Variants in KCNQ5 observed in about 807,000 individuals in gnomAD.
KCNQ5 encodes the protein potassium voltage-gated channel subfamily KQT member 5.
A neutral mutation model predicts 98.2 loss-of-function variants in KCNQ5; 30 were observed. The observed-to-expected ratio is 0.31, with a 90% CI of 0.23 to 0.41. The LOEUF is 0.41. Ranked by LOEUF, KCNQ5 falls within the 10% of genes least tolerant of loss-of-function variation. The probability of loss-of-function intolerance (pLI) is 1.00; values close to 1 mark genes in which losing one functional copy is unlikely to be tolerated. For synonymous variants in KCNQ5, 458 were observed against 449.4 expected, an observed-to-expected ratio of 1.02 and a Z score of -0.24; for missense variants, 835 against 1,182.5, an observed-to-expected ratio of 0.71 and a Z score of 4.31.
chr6:72,729,841 C>G (rs538252474), intron 1 of KCNQ5, among the ~76,000 whole-genome samples: 1 of 152,002 alleles, frequency 6.6e-6, no homozygotes, highest in African/African-American at 2.4e-5. Flanking sequence ...CTATATTTTA[C>G]TGGGTTGTTG....
intron 1 of KCNQ5, among the ~76,000 whole-genome samples, chr6:72,854,328 T>A (rs1562026164): frequency 6.6e-6 from 1 of 152,120 alleles, no homozygotes; most frequent in South Asian, 2.1e-4. Context: ...ATGGTACATA[T>A]AAAATAATTA....
chr6:73,112,500 C>G (rs1338791235), intron 7 of KCNQ5, among the ~76,000 whole-genome samples: 3 of 152,106 alleles, frequency 2.0e-5, no homozygotes, highest in Non-Finnish European at 4.4e-5. Flanking sequence ...CACCCGCCAC[C>G]GCGCCCGGCT....
At chr6:72,847,363 G>A (rs1182850753) in intron 1 of KCNQ5, among the ~76,000 whole-genome samples, 2 of 152,074 alleles carry the variant, frequency 1.3e-5, no homozygotes, top group African/African-American at 4.8e-5. Flanking sequence ...GTTTCTCCTT[G>A]TTGTTCAGGC....
At chr6:72,975,886 G>A (rs763674342) in intron 1 of KCNQ5, among the ~76,000 whole-genome samples, 4 of 152,112 alleles carry the variant, frequency 2.6e-5, no homozygotes, top group South Asian at 2.1e-4. Flanking sequence ...TTGTATATAC[G>A]TGTAACAAAG....
At chr6:73,038,776 T>C (rs946072162) in intron 2 of KCNQ5, among the ~76,000 whole-genome samples, 1 of 152,098 alleles carries the variant, frequency 6.6e-6, no homozygotes, top group Non-Finnish European at 1.5e-5. Context: ...TGTCTAAGTT[T>C]ATGATAAATA....
At chr6:72,657,921 T>C (rs1026705085) in intron 1 of KCNQ5, among the ~76,000 whole-genome samples, 2 of 152,264 alleles carry the variant, frequency 1.3e-5, no homozygotes, top group Non-Finnish European at 2.9e-5. Context: ...ATCTGATGCA[T>C]TGAGGCCACA....
intron 1 of KCNQ5, among the ~76,000 whole-genome samples, chr6:72,640,207 A>G (rs2098926432): frequency 1.3e-5 from 2 of 152,076 alleles, no homozygotes; most frequent in South Asian, 2.1e-4. Flanking sequence ...AATTTTCTAG[A>G]AGTCACACAC....
At chr6:73,137,755 G>T (rs1052095584) in intron 10 of KCNQ5, among the ~76,000 whole-genome samples, 1 of 152,064 alleles carries the variant, frequency 6.6e-6, no homozygotes, top group East Asian at 1.9e-4. Context: ...GGTCTAGCAG[G>T]TATAAGTAAA....
chr6:72,932,941 A>G (rs1436726613), intron 1 of KCNQ5, among the ~76,000 whole-genome samples: 1 of 152,198 alleles, frequency 6.6e-6, no homozygotes, highest in East Asian at 1.9e-4. Context: ...TGTTTCTTGA[A>G]AATTCATTTA....
chr6:72,632,370 T>C (rs189692264), intron 1 of KCNQ5, among the ~76,000 whole-genome samples: 1,563 of 152,042 alleles, frequency 0.01, 23 homozygotes, highest in African/African-American at 0.036. Flanking sequence ...CTCCATCTCC[T>C]GACCTCGTGA....
At chr6:72,669,657 C>T (rs75529853) in intron 1 of KCNQ5, among the ~76,000 whole-genome samples, 2,109 of 152,270 alleles carry the variant, frequency 0.014, 61 homozygotes, top group African/African-American at 0.048. Context: ...AGTTCGTGTT[C>T]ATAGACAAAG....
At chr6:72,887,194 A>T (rs773043110) in intron 1 of KCNQ5, among the ~76,000 whole-genome samples, 1 of 152,186 alleles carries the variant, frequency 6.6e-6, no homozygotes, top group African/African-American at 2.4e-5. Context: ...CTAGAAAGAA[A>T]AAGATGTTTA....
chr6:73,055,088 C>T, intron 3 of KCNQ5: 1 of 712,220 alleles, frequency 1.4e-6, no homozygotes, highest in Non-Finnish European at 2.6e-6. Flanking sequence ...ATCCCCCAAG[C>T]CTGCCACCAT....
chr6:73,031,801 C>G lies in KCNQ5; in HGVS notation c.490-10135C>G, dbSNP rs144082803. On this transcript the variant is annotated intron_variant, in intron 2 of 13. Coordinates refer to ENST00000370398, the MANE Select transcript of KCNQ5 (RefSeq NM_019842.4). ...ACATCTAGAAATGAAGTCAACATTG[C>G]AGAGAAGTTAGCTATATGAAACTCT... Among the ~76,000 whole-genome samples, 95 of 152,230 alleles carry G rather than the reference C, an allele frequency of 6.2e-4. 1 individual carries two copies. The highest frequency in any genetic ancestry group is 2.2e-3 in the African/African-American group (92 of 41,542).
chr6:72,979,012 CT>C (rs1768297901), intron 1 of KCNQ5, among the ~76,000 whole-genome samples: 2 of 152,122 alleles, frequency 1.3e-5, no homozygotes. Context: ...TGAACTCAAC[CT>C]TTTTTATGGC....
intron 2 of KCNQ5, among the ~76,000 whole-genome samples, chr6:73,005,880 T>C (rs1282323828): frequency 6.6e-6 from 1 of 152,220 alleles, no homozygotes; most frequent in Non-Finnish European, 1.5e-5. Flanking sequence ...ACTATAGTGA[T>C]ACATTGTCAA....
At chr6:72,656,440 C>A (rs915849548) in intron 1 of KCNQ5, among the ~76,000 whole-genome samples, 2 of 152,176 alleles carry the variant, frequency 1.3e-5, no homozygotes. Flanking sequence ...ATTTAATTTT[C>A]ATGAAGCTCA....
rs370586479 is a variant in KCNQ5, at chr6:73,133,648, C to T, written c.1468+7C>T. 1.9e-5 allele frequency: 30 copies of T among 1,613,168 alleles called. No individual in the cohort carries two copies. In the African/African-American group the frequency reaches 3.6e-4, roughly 19 times the overall value. ...CCAAAACCAGTGATAGATGGTAAGC[C>T]CTGTTTTTCCATAACCATTTTTAAT... is the stretch of plus-strand genomic sequence containing the variant. On this transcript the variant is annotated splice_region_variant and intron_variant, in intron 10 of 13. Transcript: ENST00000370398.
chr6:73,191,169 A>G (rs138484215), intron 12 of KCNQ5, among the ~76,000 whole-genome samples: 147 of 151,930 alleles, frequency 9.7e-4, no homozygotes, highest in Admixed American at 2.5e-3. Context: ...CAACCATCCA[A>G]CCTGTGAAGA....
Sources: gnomAD v4.1 joint callset for allele counts (sites outside exome capture counted in the v4.1 genomes callset) on GRCh38, gnomAD v4.1.1 for gene constraint, MANE v1.5 for transcripts, NCBI Gene and HGNC (gene_info 2026-07-23, HGNC 2026-07-21) for gene names.